Variants in GGA3 observed in about 807,000 individuals in gnomAD.
GGA3 encodes the protein ADP-ribosylation factor-binding protein GGA3.
A neutral mutation model predicts 77.5 loss-of-function variants in GGA3; 57 were observed. The ratio of observed to expected loss-of-function variants is 0.74; its 90% CI spans 0.59 to 0.92. GGA3 has a LOEUF of 0.92. GGA3 is among the 40% of genes least tolerant of loss of function. The pLI is 0.00. For missense variants in GGA3, 970 were observed against 914.9 expected, an observed-to-expected ratio of 1.06 and a Z score of -0.78; for synonymous variants, 416 against 383.7, an observed-to-expected ratio of 1.08 and a Z score of -0.98.
chr17:75,257,715 C>T (rs564004559), intron 1 of GGA3, among the ~76,000 whole-genome samples: 8 of 152,300 alleles, frequency 5.3e-5, no homozygotes, highest in South Asian at 2.1e-4. Flanking sequence ...TAGGTTCCCA[C>T]GCCGCCCCTA....
rs1555591689 is a variant in GGA3, at chr17:75,257,288, C to CA, written c.40+4259_40+4260insT. Among the ~76,000 whole-genome samples the CA allele has an allele frequency of 8.5e-3, 1,130 of 133,420 alleles. 33 individuals are homozygous for CA. Among genetic ancestry groups the CA allele is most frequent in the African/African-American group, 0.019 (752 of 38,620 alleles). The allele number at this position is 133,420 out of a possible 152,430, so 87.5% of individuals were successfully genotyped here. ...ACCAACTTAGACTGTGCCCCCCCCC[C>CA]CAAAAAAAACCTGTCATCATCCCTA... is the stretch of plus-strand genomic sequence containing the variant. On this transcript the variant is annotated intron_variant, in intron 1 of 16. Transcript: ENST00000537686.
rs549017228 is a variant in GGA3, at chr17:75,258,330, C to T, written c.40+3218G>A. ...TAAGACACCAAAACACCGATTTCAC[C>T]TAGTACAGAAGGAATGAGGGCCTGA... On this transcript the variant is annotated intron_variant, in intron 1 of 16. Transcript: ENST00000537686. Among the ~76,000 whole-genome samples, 13 of 152,260 alleles carry T rather than the reference C, an allele frequency of 8.5e-5. No individual in the cohort carries two copies. In the South Asian group the frequency reaches 1.7e-3, roughly 19 times the overall value.
intron 1 of GGA3, among the ~76,000 whole-genome samples, chr17:75,254,889 C>T (rs1478998573): frequency 6.6e-6 from 1 of 152,204 alleles, no homozygotes; most frequent in Non-Finnish European, 1.5e-5. Flanking sequence ...GGAATGCCCG[C>T]AGCCCGGGAT....
chr17:75,256,602 T>G (rs917531513), intron 1 of GGA3, among the ~76,000 whole-genome samples: 1 of 152,196 alleles, frequency 6.6e-6, no homozygotes, highest in Admixed American at 6.5e-5. Flanking sequence ...AGGCAGGCTA[T>G]GCTATAGTAC....
At position 75,240,329 on chromosome 17, in the gene GGA3, C is replaced by G. The variant is rs540576764; in HGVS notation, c.1263+13G>C. 32 of 1,559,626 alleles carry G rather than the reference C, an allele frequency of 2.1e-5. No individual in the cohort carries two copies. The highest frequency in any genetic ancestry group is 2.7e-5 in the African/African-American group (2 of 74,184). On this transcript the variant is annotated intron_variant, in intron 12 of 16. Coordinates refer to ENST00000537686, the MANE Select transcript of GGA3 (RefSeq NM_138619.4). ...TTGGCACAGTAGTGCTGTCACCGAT[C>G]CTGTGCCCCTACCTGGAGCAGGTGC...
intron 4 of GGA3, chr17:75,244,388 C>T (rs890210525): frequency 4.1e-6 from 2 of 488,478 alleles, no homozygotes; most frequent in Admixed American, 6.7e-5. Flanking sequence ...AACACACAGC[C>T]ACTACCACAT....
At chr17:75,261,980 C>T (rs2077403275), upstream of GGA3, 2 of 1,584,390 alleles carry the variant, frequency 1.3e-6, no homozygotes, top group Non-Finnish European at 1.7e-6. Flanking sequence ...TTGCAGCTTC[C>T]AGGGTGAGAG....
chr17:75,237,543 G>A lies in GGA3; in HGVS notation c.*736C>T. 6.5e-7 allele frequency: 1 copy of A among 1,535,928 alleles called. No homozygotes were observed. Among genetic ancestry groups the A allele is most frequent in the Non-Finnish European group, 8.7e-7 (1 of 1,146,750 alleles). On this transcript the variant is annotated 3_prime_UTR_variant, in exon 17 of 17. Coordinates refer to ENST00000537686, the MANE Select transcript of GGA3 (RefSeq NM_138619.4). The stretch of plus-strand genomic sequence containing the variant: ...GCTGAGTACCTGCTTCTGGAGAAGG[G>A]GAAATACTGGCTCTCTTCATTTTCC...
chr17:75,240,334 G>A lies in GGA3; in HGVS notation c.1263+8C>T, dbSNP rs2076499538. The A allele has an allele frequency of 2.5e-6, 4 of 1,572,570 alleles. No individual in the cohort carries two copies. Among genetic ancestry groups the A allele is most frequent in the South Asian group, 2.3e-5 (2 of 86,630 alleles). ...ACAGTAGTGCTGTCACCGATCCTGT[G>A]CCCCTACCTGGAGCAGGTGCCACTG... On this transcript the variant is annotated splice_region_variant and intron_variant, in intron 12 of 16. Transcript: ENST00000537686.
chr17:75,258,749 T>C (rs538789142), intron 1 of GGA3, among the ~76,000 whole-genome samples: 20 of 152,084 alleles, frequency 1.3e-4, no homozygotes, highest in African/African-American at 4.3e-4. Flanking sequence ...TTCCCAGCCT[T>C]ATCTTCCCTC....
At position 75,239,402 on chromosome 17, in the gene GGA3, G is replaced by T; in HGVS notation, c.1753C>A (p.His585Asn). Reference sequence around the variant, plus strand: ...GGCTTGATCGATTCCAGGGGCACGTGGATGCTGGCCAGGGAGAGCTCAGGC... The same window carrying T: ...GGCTTGATCGATTCCAGGGGCACGTTGATGCTGGCCAGGGAGAGCTCAGGC... ...KGPELSLASI[H>N]VPLESIKPSS... is the part of the protein sequence containing the mutation. The change falls in exon 14 of 17, where the codon CAC becomes AAC. Residue 585 changes from histidine to asparagine, a missense_variant. Transcript: ENST00000537686. The T allele has an allele frequency of 6.4e-7, 1 of 1,561,370 alleles. No homozygotes were observed. Among genetic ancestry groups the T allele is most frequent in the Non-Finnish European group, 8.6e-7 (1 of 1,160,424 alleles).
chr17:75,240,472 G>A lies in GGA3; in HGVS notation c.1193-60C>T, dbSNP rs180812338. 89 of 1,140,960 alleles carry A rather than the reference G, an allele frequency of 7.8e-5. No individual in the cohort carries two copies. In the Middle Eastern group the frequency reaches 1.1e-3, roughly 13 times the overall value. 70.7% of individuals were successfully genotyped at this position (1,140,960 alleles called of 1,614,324 possible). A position where few individuals can be genotyped will look rare whatever the true frequency, so the allele number is the denominator to read the frequency against. Reference sequence around the variant, plus strand: ...CTCTGAGCTAGGCAGCCCTAGCCCCGCCTTGCCTGAGGAGGGGTCAGGTGA... The same window carrying A: ...CTCTGAGCTAGGCAGCCCTAGCCCCACCTTGCCTGAGGAGGGGTCAGGTGA... On this transcript the variant is annotated intron_variant, in intron 11 of 16. Coordinates refer to ENST00000537686, the MANE Select transcript of GGA3 (RefSeq NM_138619.4).
At chr17:75,256,958 T>C (rs1211822108) in intron 1 of GGA3, among the ~76,000 whole-genome samples, 1 of 145,352 alleles carries the variant, frequency 6.9e-6, no homozygotes, top group Non-Finnish European at 1.5e-5. Context: ...CCCACCTCTA[T>C]ACAGTCTAAC....
At chr17:75,240,497 A>T in intron 11 of GGA3, 85 bp from the exon 12 acceptor site, 1 of 858,706 alleles carries the variant, frequency 1.2e-6, no homozygotes, top group Non-Finnish European at 1.9e-6. Flanking sequence ...GGGTCAGGTG[A>T]CAAGTGACAT....
intron 1 of GGA3, chr17:75,248,980 C>T (rs995207170): frequency 1.1e-4 from 104 of 985,090 alleles, no homozygotes; most frequent in African/African-American, 1.2e-4. Context: ...GGTCGGGGCT[C>T]GGCCTCCCCG....
chr17:75,240,136 C>CCG, intron 12 of GGA3, 28 bp from the exon 13 acceptor site: 1 of 500,078 alleles, frequency 2.0e-6, no homozygotes. Context: ...GGTGGTGAGC[C>CCG]GAGGGCGGGT....
Position 75,241,075 on chromosome 17 carries a change from G to A in GGA3, c.947-18C>T. The A allele has an allele frequency of 6.2e-7, 1 of 1,613,950 alleles. No homozygotes were observed. ...ACTGTTTCCTGGATGGGTCAACAGA[G>A]CAGAACAGGAATAATTAGGGGTCTT... On this transcript the variant is annotated intron_variant, in intron 10 of 16. Transcript: ENST00000537686.
chr17:75,259,452 A>C (rs2077269506), intron 1 of GGA3, among the ~76,000 whole-genome samples: 1 of 152,210 alleles, frequency 6.6e-6, no homozygotes, highest in Non-Finnish European at 1.5e-5. Context: ...AAACGGGAGC[A>C]GGGCTTCCAG....
intron 1 of GGA3, among the ~76,000 whole-genome samples, chr17:75,255,698 G>A (rs2145590579): frequency 6.6e-6 from 1 of 152,290 alleles, no homozygotes; most frequent in South Asian, 2.1e-4. Context: ...AGCCTTACAA[G>A]TTAGTTCAGG....
Sources: gnomAD v4.1 joint callset for allele counts (sites outside exome capture counted in the v4.1 genomes callset) on GRCh38, gnomAD v4.1.1 for gene constraint, MANE v1.5 for transcripts, NCBI Gene and HGNC (gene_info 2026-07-23, HGNC 2026-07-21) for gene names.